CLUL1: variants seen among roughly 807,000 people sequenced by gnomAD.
The protein encoded by CLUL1 is clusterin-like protein 1.
Under a neutral mutation model 49.4 loss-of-function variants are expected in CLUL1, and 43 were observed. The observed-to-expected ratio is 0.87, with a 90% CI of 0.68 to 1.12. The LOEUF is 1.12. CLUL1 is among the 50% of genes most tolerant of loss of function. The pLI, the probability that CLUL1 is intolerant of heterozygous loss-of-function variation, is 0.00. For synonymous variants in CLUL1, 192 were observed against 184.9 expected (o/e 1.04, Z -0.31); for missense variants, 486 against 544.4 (o/e 0.89, Z 1.07).
intron 1 of CLUL1, among the ~76,000 whole-genome samples, chr18:599,178 T>C (rs1200371834): frequency 6.6e-6 from 1 of 152,242 alleles, no homozygotes; most frequent in Admixed American, 6.5e-5. Flanking sequence ...GTTACCAGAA[T>C]AGTATTTTTA....
Position 627,066 on chromosome 18 carries a change from TTCCATTTCTGTCCCCTACTCTAC to T in CLUL1, c.424-26_424-4del, listed in dbSNP as rs1352981132. 1 of 1,279,740 alleles carries T rather than the reference TTCCATTTCTGTCCCCTACTCTAC, an allele frequency of 7.8e-7. No individual in the cohort carries two copies. Among genetic ancestry groups the T allele is most frequent in the Non-Finnish European group, 1.1e-6 (1 of 935,612 alleles). 79.3% of individuals were successfully genotyped at this position (1,279,740 alleles called of 1,614,324 possible). A position where few individuals can be genotyped will look rare whatever the true frequency, so the allele number is the denominator to read the frequency against. The stretch of plus-strand genomic sequence containing the variant: ...AGTCGAGAAAGAAAATAATTTTTTA[TTCCATTTCTGTCCCCTACTCTAC>T]TCCACAGATTGAACGGTTTTTCAGG... On this transcript the variant is annotated splice_polypyrimidine_tract_variant and splice_region_variant and intron_variant, in intron 5 of 9. Transcript: ENST00000692774.
intron 9 of CLUL1, among the ~76,000 whole-genome samples, chr18:645,785 C>A (rs2144205349): frequency 2.0e-5 from 1 of 51,024 alleles, no homozygotes; most frequent in East Asian, 1.0e-3. Flanking sequence ...CAGAGCGAGA[C>A]TCTGTTTAAA....
chr18:617,168 T>A (rs570754561), intron 2 of CLUL1, among the ~76,000 whole-genome samples: 1 of 152,252 alleles, frequency 6.6e-6, no homozygotes, highest in Admixed American at 6.5e-5. Flanking sequence ...GAAGAAAAAA[T>A]TTTAACTGTG....
intron 7 of CLUL1, among the ~76,000 whole-genome samples, chr18:637,939 C>G (rs1391896871): frequency 6.6e-6 from 1 of 151,870 alleles, no homozygotes; most frequent in African/African-American, 2.4e-5. Flanking sequence ...AAGCCTCCAG[C>G]CTGGGCCTCA....
At position 645,807 on chromosome 18, in the gene CLUL1, AAAAATATATATATATATATATAT is replaced by A. The variant is rs1266933824; in HGVS notation, c.1397+712_1397+734del. On this transcript the variant is annotated intron_variant, in intron 9 of 9. Transcript: ENST00000692774. ...AGACTCTGTTTAAAAAAAAAAAAAA[AAAAATATATATATATATATATAT>A]ATATATATATATATATATATATGTT... Among the ~76,000 whole-genome samples, 12 of 69,160 alleles carry A rather than the reference AAAAATATATATATATATATATAT, an allele frequency of 1.7e-4. 4 individuals carry two copies. The highest frequency in any genetic ancestry group is 7.5e-4 in the Admixed American group (5 of 6,660). 45.4% of individuals were successfully genotyped at this position (69,160 alleles called of 152,430 possible). A position where few individuals can be genotyped will look rare whatever the true frequency, so the allele number is the denominator to read the frequency against.
At chr18:632,358 A>G (rs969448365) in intron 6 of CLUL1, among the ~76,000 whole-genome samples, 8 of 152,026 alleles carry the variant, frequency 5.3e-5, no homozygotes, top group South Asian at 2.1e-4. Flanking sequence ...GTGTGTGTAT[A>G]TATACATATA....
intron 5 of CLUL1, among the ~76,000 whole-genome samples, chr18:625,588 A>G (rs973478552): frequency 2.7e-5 from 4 of 150,184 alleles, no homozygotes; most frequent in Non-Finnish European, 5.9e-5. Context: ...TGCCCTACCC[A>G]TGTATGTAGG....
Position 627,126 on chromosome 18 carries a change from AT to A in CLUL1, c.456del (p.Leu153TyrfsTer25). ...AACGGTTTTTCAGGAAGATATATCA[AT>A]TTCTATTTCCTTTCCATGAAGATAA... ...IERFFRKIYQ[F>X]LFPFHEDNEK... On this transcript the variant is annotated frameshift_variant, in exon 6 of 10. Coordinates refer to ENST00000692774, the MANE Select transcript of CLUL1 (RefSeq NM_001393344.1). LOFTEE classifies it high-confidence loss of function. 3 of 1,612,448 alleles carry A rather than the reference AT, an allele frequency of 1.9e-6. No individual in the cohort carries two copies. Among genetic ancestry groups the A allele is most frequent in the Admixed American group, 3.3e-5 (2 of 59,886 alleles).
intron 6 of CLUL1, among the ~76,000 whole-genome samples, chr18:630,522 A>C (rs188266): frequency 6.6e-6 from 1 of 152,130 alleles, no homozygotes; most frequent in African/African-American, 2.4e-5. Context: ...AGTAGCAGCC[A>C]CAAGAGAAGG....
At chr18:637,318 CAA>C (rs2074174668) in intron 7 of CLUL1, among the ~76,000 whole-genome samples, 1 of 152,004 alleles carries the variant, frequency 6.6e-6, no homozygotes, top group Non-Finnish European at 1.5e-5. Context: ...ACTGAATTCT[CAA>C]GTTAGTTGGG....
chr18:611,580 A>T (rs1358254378), intron 2 of CLUL1, among the ~76,000 whole-genome samples: 1 of 152,162 alleles, frequency 6.6e-6, no homozygotes, highest in Non-Finnish European at 1.5e-5. Flanking sequence ...GTTTCTAGGG[A>T]CAAAAATATT....
intron 8 of CLUL1, among the ~76,000 whole-genome samples, chr18:642,778 TG>T (rs2074380114): frequency 6.6e-6 from 1 of 152,240 alleles, no homozygotes; most frequent in African/African-American, 2.4e-5. Flanking sequence ...TGCTGCTAAC[TG>T]CTTATCTCTG....
intron 2 of CLUL1, chr18:614,863 G>T (rs2073245263): frequency 6.6e-6 from 1 of 152,258 alleles, no homozygotes; most frequent in Non-Finnish European, 1.5e-5. Context: ...AAATGTCCCA[G>T]TTGGAAGCCC....
chr18:645,154 A>C, intron 9 of CLUL1, 57 bp downstream of exon 9: 1 of 1,331,736 alleles, frequency 7.5e-7, no homozygotes, highest in South Asian at 1.8e-5. Flanking sequence ...AATTCTCAAA[A>C]GGGAAAAACA....
At chr18:621,997 C>T (rs1037138264) in intron 4 of CLUL1, among the ~76,000 whole-genome samples, 9 of 152,060 alleles carry the variant, frequency 5.9e-5, no homozygotes, top group African/African-American at 4.8e-5. Context: ...TTGAATTATA[C>T]TCTTAAGTTT....
chr18:632,415 C>T (rs530897695), intron 6 of CLUL1, among the ~76,000 whole-genome samples: 41 of 152,076 alleles, frequency 2.7e-4, no homozygotes, highest in Non-Finnish European at 5.4e-4. Context: ...CCACCTATCA[C>T]CCACTTTAAG....
intron 1 of CLUL1, chr18:598,127 C>A (rs188251940): frequency 6.4e-6 from 1 of 155,146 alleles, no homozygotes; most frequent in East Asian, 1.9e-4. Context: ...CTCCTCAGTC[C>A]CTGACAATGG....
At chr18:646,838 C>T (rs2074522988) in intron 9 of CLUL1, among the ~76,000 whole-genome samples, 1 of 151,892 alleles carries the variant, frequency 6.6e-6, no homozygotes, top group African/African-American at 2.4e-5. Flanking sequence ...CAACCTCGGC[C>T]TCCCAGGTTC....
Position 644,986 on chromosome 18 carries a change from C to A in CLUL1, c.1286C>A (p.Ser429Tyr). 6.2e-7 allele frequency: 1 copy of A among 1,613,704 alleles called. No individual in the cohort carries two copies. Among genetic ancestry groups the A allele is most frequent in the African/African-American group, 1.3e-5 (1 of 75,030 alleles). Residue 429 changes from serine (S) to tyrosine (Y), a missense_variant, in exon 9 of 10, where the codon TCC becomes TAC. Physicochemically the swap from Ser to Tyr is moderately radical, Grantham distance 144. Transcript: ENST00000692774. ...TMMTDLSILP[S>Y]SNFTLKIPLE... is the part of the protein sequence containing the mutation. ...ATGACAGACTTAAGCATTCTGCCTT[C>A]CTCTAATTTCACACTCAAGATCCCT...
Sources: gnomAD v4.1 joint callset for allele counts (sites outside exome capture counted in the v4.1 genomes callset) on GRCh38, gnomAD v4.1.1 for gene constraint, MANE v1.5 for transcripts, NCBI Gene and HGNC (gene_info 2026-07-23, HGNC 2026-07-21) for gene names.